PALS1: variants seen among roughly 807,000 people sequenced by gnomAD.
PALS1 encodes the protein protein associated with LIN7 1, MAGUK p55 family member, also known as protein PALS1.
A neutral mutation model predicts 78.9 loss-of-function variants in PALS1; 31 were observed. That is an observed-to-expected ratio of 0.39 (90% CI 0.30 to 0.53). PALS1 has a LOEUF of 0.53. Among genes scored for constraint, PALS1 ranks in the 20% least tolerant of loss-of-function variants. The probability of loss-of-function intolerance (pLI) is 0.67; values close to 1 mark genes in which losing one functional copy is unlikely to be tolerated. For missense variants in PALS1, 704 were observed against 826.5 expected (o/e 0.85, Z 1.82); for synonymous variants, 276 against 270.9 (o/e 1.02, Z -0.18).
At chr14:67,275,899 T>C (rs2084495504) in intron 2 of PALS1, among the ~76,000 whole-genome samples, 1 of 152,216 alleles carries the variant, frequency 6.6e-6, no homozygotes, top group Non-Finnish European at 1.5e-5. Flanking sequence ...TTTTCTACTT[T>C]ATTTGCGTAG....
At chr14:67,304,054 C>T (rs1257022518) in intron 8 of PALS1, 2 of 153,702 alleles carry the variant, frequency 1.3e-5, no homozygotes, top group African/African-American at 4.8e-5. Context: ...AGGTGTGAGC[C>T]TTCACATCCA....
chr14:67,247,733 A>G (rs749189146), intron 1 of PALS1, among the ~76,000 whole-genome samples: 3 of 151,936 alleles, frequency 2.0e-5, no homozygotes, highest in African/African-American at 7.3e-5. Flanking sequence ...AAGTGCCACT[A>G]TGCCCAGCTA....
chr14:67,321,303 G>A (rs2085261043), intron 13 of PALS1, 44 bp downstream of exon 13: 4 of 1,576,130 alleles, frequency 2.5e-6, no homozygotes, highest in African/African-American at 1.3e-5. Flanking sequence ...TAGAAGGAAT[G>A]TCATATAGAG....
intron 3 of PALS1, among the ~76,000 whole-genome samples, chr14:67,284,445 C>CAAA (rs2084648486): frequency 2.4e-5 from 2 of 84,796 alleles, no homozygotes; most frequent in Admixed American, 1.4e-4. Context: ...AAAAAAAAAA[C>CAAA]AGCTGGGCAT....
At position 67,320,246 on chromosome 14, in the gene PALS1, G is replaced by T. The variant is rs1387571008; in HGVS notation, c.1386G>T (p.Glu462Asp). The T allele has an allele frequency of 6.2e-7, 1 of 1,611,524 alleles. No individual in the cohort carries two copies. Among genetic ancestry groups the T allele is most frequent in the African/African-American group, 1.3e-5 (1 of 74,732 alleles). ...TTCCCAAAGATTATGACAACGAGGA[G>T]ATCTTAACCTATGAGGAAATGTCAC... ...ANKNDDYDNEEILTYEEMSLY... is the reference protein window; with the variant it reads ...ANKNDDYDNEDILTYEEMSLY... Residue 462 changes from glutamate (E) to aspartate (D), a missense_variant, in exon 12 of 15, where the codon GAG becomes GAT. Physicochemically the swap from Glu to Asp is conservative, Grantham distance 45. Coordinates refer to ENST00000261681, the MANE Select transcript of PALS1 (RefSeq NM_022474.4).
intron 1 of PALS1, among the ~76,000 whole-genome samples, chr14:67,259,748 AAAAAT>A (rs2084205271): frequency 1.3e-5 from 2 of 152,014 alleles, no homozygotes; most frequent in Non-Finnish European, 2.9e-5. Flanking sequence ...CATCTATACA[AAAAAT>A]AAAATAAAAT....
At chr14:67,317,278 C>A in intron 10 of PALS1, 130 bp from the exon 11 acceptor site, 1 of 734,630 alleles carries the variant, frequency 1.4e-6, no homozygotes, top group Non-Finnish European at 2.2e-6. Context: ...GCGTGGCCAA[C>A]ATATGGAGAT....
At position 67,334,362 on chromosome 14, in the gene PALS1, TAACA is replaced by T. The variant is rs1259516375; in HGVS notation, c.*1412_*1415del. 3 of 152,644 alleles carry T rather than the reference TAACA, an allele frequency of 2.0e-5. No homozygotes were observed. The highest frequency in any genetic ancestry group is 4.8e-5 in the African/African-American group (2 of 41,458). The allele number at this position is 152,644 out of a possible 1,614,324, so 9.5% of individuals were successfully genotyped here. A position where few individuals can be genotyped will look rare whatever the true frequency, so the allele number is the denominator to read the frequency against. ...CAAGCCTTTAGGATAGTGTGATGTG[TAACA>T]AACAACCTCAAATGTGAATGCCTTG... On this transcript the variant is annotated 3_prime_UTR_variant, in exon 15 of 15. Coordinates refer to ENST00000261681, the MANE Select transcript of PALS1 (RefSeq NM_022474.4).
At chr14:67,305,075 C>G (rs574913517) in intron 8 of PALS1, among the ~76,000 whole-genome samples, 1 of 152,212 alleles carries the variant, frequency 6.6e-6, no homozygotes, top group South Asian at 2.1e-4. Context: ...TATAGTTTGT[C>G]TTTGAATTTA....
At chr14:67,286,381 CTG>C (rs2084687892) in intron 3 of PALS1, among the ~76,000 whole-genome samples, 1 of 152,142 alleles carries the variant, frequency 6.6e-6, no homozygotes, top group South Asian at 2.1e-4. Flanking sequence ...TTTGTTGTCT[CTG>C]TGTCTTCATC....
chr14:67,242,413 C>G (rs2083919129), intron 1 of PALS1, among the ~76,000 whole-genome samples: 1 of 152,160 alleles, frequency 6.6e-6, no homozygotes, highest in Admixed American at 6.5e-5. Flanking sequence ...TTTGATTTGA[C>G]TGACGCAGTG....
chr14:67,313,990 T>C (rs940453699), intron 9 of PALS1, among the ~76,000 whole-genome samples: 1 of 149,972 alleles, frequency 6.7e-6, no homozygotes, highest in African/African-American at 2.5e-5. Flanking sequence ...AAAAAAAAAA[T>C]AGTTCTGCCA....
chr14:67,242,501 T>C (rs892332075), intron 1 of PALS1, among the ~76,000 whole-genome samples: 1 of 152,246 alleles, frequency 6.6e-6, no homozygotes, highest in Non-Finnish European at 1.5e-5. Flanking sequence ...GCTTTTGGAT[T>C]ATACCAGAAG....
At chr14:67,307,504 C>G (rs1035073628) in intron 8 of PALS1, among the ~76,000 whole-genome samples, 2 of 152,160 alleles carry the variant, frequency 1.3e-5, no homozygotes, top group African/African-American at 4.8e-5. Flanking sequence ...ATTATGTACT[C>G]TGTGCCAGGC....
At chr14:67,267,475 T>C (rs113936536) in intron 1 of PALS1, among the ~76,000 whole-genome samples, 1 of 152,124 alleles carries the variant, frequency 6.6e-6, no homozygotes, top group African/African-American at 2.4e-5. Flanking sequence ...GGTCTTGACC[T>C]GCTGATCTCG....
intron 9 of PALS1, among the ~76,000 whole-genome samples, chr14:67,315,815 C>T (rs1370119288): frequency 6.6e-6 from 1 of 152,198 alleles, no homozygotes; most frequent in Non-Finnish European, 1.5e-5. Flanking sequence ...ATCCCAGCTG[C>T]TCGGGAGGCT....
chr14:67,244,629 A>C (rs2083959530), intron 1 of PALS1, among the ~76,000 whole-genome samples: 1 of 152,310 alleles, frequency 6.6e-6, no homozygotes, highest in African/African-American at 2.4e-5. Context: ...AGTTGTTTTC[A>C]GGTTTTTTGT....
intron 1 of PALS1, among the ~76,000 whole-genome samples, chr14:67,257,165 G>A (rs937367155): frequency 5.9e-5 from 9 of 152,136 alleles, no homozygotes; most frequent in East Asian, 1.9e-4. Context: ...GCATTCTTTC[G>A]AGTCCTTGAT....
At chr14:67,314,815 C>G (rs1170153992) in intron 9 of PALS1, among the ~76,000 whole-genome samples, 1 of 152,072 alleles carries the variant, frequency 6.6e-6, no homozygotes, top group Admixed American at 6.6e-5. Context: ...ATGAGGCTGG[C>G]CCTGGTGGCT....
Sources: allele counts gnomAD v4.1 joint callset (sites outside exome capture counted in the v4.1 genomes callset), GRCh38; gene constraint gnomAD v4.1.1; transcripts MANE v1.5; gene names NCBI Gene and HGNC (gene_info 2026-07-23, HGNC 2026-07-21).